UNC13C: variants seen among roughly 807,000 people sequenced by gnomAD.
The protein encoded by UNC13C is protein unc-13 homolog C.
A neutral mutation model predicts 245.4 loss-of-function variants in UNC13C; 174 were observed. The observed-to-expected ratio is 0.71, with a 90% CI of 0.63 to 0.80. UNC13C has a LOEUF of 0.80. UNC13C is among the 30% of genes least tolerant of loss of function. UNC13C has a pLI of 0.00. For missense variants in UNC13C, 2,829 were observed against 2,602.9 expected, an observed-to-expected ratio of 1.09 and a Z score of -1.89; for synonymous variants, 992 against 895.1, an observed-to-expected ratio of 1.11 and a Z score of -1.93.
chr15:54,518,689 C>T (rs528389033), intron 24 of UNC13C, among the ~76,000 whole-genome samples: 1 of 152,256 alleles, frequency 6.6e-6, no homozygotes, highest in East Asian at 1.9e-4. Context: ...TCACAGAGAA[C>T]ACTCTGTCCC....
At chr15:54,038,608 T>C (rs2141029543) in intron 2 of UNC13C, among the ~76,000 whole-genome samples, 1 of 152,314 alleles carries the variant, frequency 6.6e-6, no homozygotes, top group Admixed American at 6.5e-5. Context: ...TATGAAAACT[T>C]TGATAAACAG....
intron 13 of UNC13C, among the ~76,000 whole-genome samples, chr15:54,316,578 T>A (rs1209965355): frequency 6.6e-6 from 1 of 151,926 alleles, no homozygotes. Flanking sequence ...ATTTATTACA[T>A]GACCGATTCC....
At chr15:54,159,473 C>T (rs947372335) in intron 4 of UNC13C, among the ~76,000 whole-genome samples, 49 of 152,288 alleles carry the variant, frequency 3.2e-4, no homozygotes, top group African/African-American at 1.1e-3. Flanking sequence ...GATGCAGATG[C>T]CTAAGGCACT....
At chr15:54,192,652 T>G (rs1223046002) in intron 4 of UNC13C, among the ~76,000 whole-genome samples, 15 of 152,272 alleles carry the variant, frequency 9.9e-5, no homozygotes, top group Non-Finnish European at 2.1e-4. Flanking sequence ...TTTTCATCAT[T>G]CCAAATAATT....
intron 17 of UNC13C, among the ~76,000 whole-genome samples, chr15:54,388,424 C>T (rs2039883005): frequency 6.6e-6 from 1 of 152,178 alleles, no homozygotes; most frequent in Admixed American, 6.5e-5. Flanking sequence ...GGCAATGCCA[C>T]TATGGGTCCA....
the UNC13C span, among the ~76,000 whole-genome samples, chr15:53,939,559 C>G: frequency 3.9e-5 from 6 of 152,100 alleles, no homozygotes; most frequent in East Asian, 1.2e-3. Flanking sequence ...GGCCAGTATC[C>G]CTGACAAACA....
At chr15:54,546,866 T>C (rs374549343) in intron 27 of UNC13C, 21 bp downstream of exon 27, 372 of 1,556,450 alleles carry the variant, frequency 2.4e-4, no homozygotes, top group South Asian at 4.1e-4. Context: ...AAAGTTTAGT[T>C]ATGCTTTCAT....
intron 30 of UNC13C, among the ~76,000 whole-genome samples, chr15:54,583,890 C>G (rs1362379629): frequency 2.6e-5 from 4 of 152,210 alleles, no homozygotes; most frequent in African/African-American, 9.6e-5. Flanking sequence ...CTGCTTCCTA[C>G]TTGTTCTCTT....
At chr15:53,898,330 G>A in the UNC13C span, among the ~76,000 whole-genome samples, 1 of 152,070 alleles carries the variant, frequency 6.6e-6, no homozygotes, top group African/African-American at 2.4e-5. Context: ...AATGATCAGG[G>A]TAAGATGGTA....
chr15:54,215,484 A>G (rs188522672), intron 4 of UNC13C, among the ~76,000 whole-genome samples: 39 of 152,126 alleles, frequency 2.6e-4, no homozygotes, highest in Non-Finnish European at 5.2e-4. Context: ...GGTAGTCACC[A>G]CTTCTGAAAC....
At chr15:54,604,087 T>G (rs1344194604) in intron 30 of UNC13C, among the ~76,000 whole-genome samples, 1 of 152,166 alleles carries the variant, frequency 6.6e-6, no homozygotes, top group Non-Finnish European at 1.5e-5. Context: ...CCTCAGCTTG[T>G]TGATGTGAGA....
intron 10 of UNC13C, among the ~76,000 whole-genome samples, chr15:54,275,872 G>A (rs1450608338): frequency 6.6e-6 from 1 of 151,930 alleles, no homozygotes; most frequent in Non-Finnish European, 1.5e-5. Context: ...TTCATCAATA[G>A]GTGAATAGAT....
chr15:54,102,634 A>T (rs77690071), intron 2 of UNC13C, among the ~76,000 whole-genome samples: 1 of 152,222 alleles, frequency 6.6e-6, no homozygotes. Context: ...ACTATTTTCT[A>T]CTTTCTCAAT....
intron 13 of UNC13C, among the ~76,000 whole-genome samples, chr15:54,318,810 C>G (rs1252509085): frequency 6.6e-6 from 1 of 151,718 alleles, no homozygotes; most frequent in Non-Finnish European, 1.5e-5. Flanking sequence ...CTTTTGAGGT[C>G]ATATCAAAAA....
the UNC13C span, among the ~76,000 whole-genome samples, chr15:53,915,759 C>T: frequency 6.6e-6 from 1 of 152,166 alleles, no homozygotes; most frequent in Non-Finnish European, 1.5e-5. Flanking sequence ...AAAGTTGTTG[C>T]ATTGTAGTGC....
the UNC13C span, among the ~76,000 whole-genome samples, chr15:53,907,796 T>C: frequency 1.7e-5 from 2 of 115,940 alleles, 1 homozygote. Context: ...ATATCTCTAG[T>C]TCCAAGCACA....
At chr15:53,871,512 A>C in the UNC13C span, among the ~76,000 whole-genome samples, 1 of 152,174 alleles carries the variant, frequency 6.6e-6, no homozygotes, top group Non-Finnish European at 1.5e-5. Flanking sequence ...GGTGCCTTCT[A>C]TGCAAGGCTG....
chr15:54,134,202 T>C (rs1156847225), intron 2 of UNC13C, among the ~76,000 whole-genome samples: 1 of 152,060 alleles, frequency 6.6e-6, no homozygotes, highest in Non-Finnish European at 1.5e-5. Context: ...TTGTACACTT[T>C]GACCAAAAAC....
chr15:54,117,242 G>C (rs567351048), intron 2 of UNC13C, among the ~76,000 whole-genome samples: 3 of 151,860 alleles, frequency 2.0e-5, no homozygotes, highest in Non-Finnish European at 4.4e-5. Flanking sequence ...TCACTTTTTT[G>C]ATTGTTTTCT....
Sources: allele counts gnomAD v4.1 joint callset (sites outside exome capture counted in the v4.1 genomes callset), GRCh38; gene constraint gnomAD v4.1.1; transcripts MANE v1.5; gene names NCBI Gene and HGNC (gene_info 2026-07-23, HGNC 2026-07-21).